Variants in JAK1 observed in about 807,000 individuals in gnomAD.
JAK1 encodes Janus kinase 1.
A neutral mutation model predicts 136.6 loss-of-function variants in JAK1; 16 were observed. That is an observed-to-expected ratio of 0.12 (90% CI 0.08 to 0.18). The LOEUF (loss-of-function observed/expected upper bound fraction) is 0.18, where lower values mean the gene tolerates loss of function less well. JAK1 is among the 10% of genes least tolerant of loss of function. The pLI is 1.00. For synonymous variants in JAK1, 492 were observed against 519.5 expected (o/e 0.95, Z 0.72); for missense variants, 859 against 1,450.1 (o/e 0.59, Z 6.62).
At chr1:64,866,500 C>T (rs1250487500) in intron 7 of JAK1, among the ~76,000 whole-genome samples, 8 of 152,172 alleles carry the variant, frequency 5.3e-5, no homozygotes, top group South Asian at 4.1e-4. Context: ...TGTATTCATC[C>T]GTAAAATGGA....
At chr1:64,882,840 A>G (rs534051496) in intron 3 of JAK1, among the ~76,000 whole-genome samples, 1 of 152,312 alleles carries the variant, frequency 6.6e-6, no homozygotes, top group African/African-American at 2.4e-5. Context: ...AGGAGGGGTC[A>G]AACTTTTTAG....
intron 1 of JAK1, among the ~76,000 whole-genome samples, chr1:64,954,172 T>C (rs957534551): frequency 6.6e-6 from 1 of 152,170 alleles, no homozygotes; most frequent in Non-Finnish European, 1.5e-5. Flanking sequence ...AAAGTCTCTT[T>C]GAAGAGTAGA....
chr1:64,846,173 C>T (rs1011710328), intron 14 of JAK1, among the ~76,000 whole-genome samples: 4 of 152,316 alleles, frequency 2.6e-5, no homozygotes, highest in African/African-American at 9.6e-5. Flanking sequence ...CCAAGGCCAC[C>T]CCTCCATCTC....
At chr1:64,881,548 A>T (rs1252964335) in intron 3 of JAK1, among the ~76,000 whole-genome samples, 1 of 152,206 alleles carries the variant, frequency 6.6e-6, no homozygotes, top group Non-Finnish European at 1.5e-5. Context: ...TTTCTGTAGT[A>T]ACAGTGAGAG....
At chr1:64,966,774 A>G (rs1309124589), upstream of JAK1, among the ~76,000 whole-genome samples, 1 of 151,584 alleles carries the variant, frequency 6.6e-6, no homozygotes, top group African/African-American at 2.4e-5. Context: ...AGATTCTAGA[A>G]TCTAGAAACT....
chr1:64,864,868 A>G lies in JAK1; in HGVS notation c.1095T>C (p.Asn365=), dbSNP rs565713817. The G allele has an allele frequency of 5.7e-5, 92 of 1,613,808 alleles. 1 individual carries two copies. The South Asian group carries it at 9.6e-4, about 17-fold the overall frequency. Residue 365 remains asparagine (N), a synonymous_variant, in exon 8 of 25, where the codon AAT becomes AAC. Transcript: ENST00000342505. ...EKNKIREEWN[N]FSYFPEITHI... Reference sequence around the variant, plus strand: ...GAGTGATTTCAGGGAAGTAAGAAAAATTGTTCCACTCTTCCCGGATCTTGT... The same window carrying G: ...GAGTGATTTCAGGGAAGTAAGAAAAGTTGTTCCACTCTTCCCGGATCTTGT...
Position 64,844,061 on chromosome 1 carries a change from C to G in JAK1, c.2403+3G>C, listed in dbSNP as rs375506294. 22 of 1,613,926 alleles carry G rather than the reference C, an allele frequency of 1.4e-5. No individual in the cohort carries two copies. Among genetic ancestry groups the G allele is most frequent in the Non-Finnish European group, 1.9e-5 (22 of 1,179,990 alleles). ...CCTCACGCCCCGGGAAACACCTGCT[C>G]ACCTCAATCAGCGTCTTGTCTTTCA... On this transcript the variant is annotated splice_donor_region_variant and intron_variant, in intron 17 of 24. Coordinates refer to ENST00000342505, the MANE Select transcript of JAK1 (RefSeq NM_002227.4). This position sits in a 1 kb window ranked among gnomAD's most constrained non-coding sequence, Gnocchi z 5.7.
At chr1:65,017,985 T>G (rs776561361) in intron 2 of JAK1, among the ~76,000 whole-genome samples, 12 of 152,100 alleles carry the variant, frequency 7.9e-5, no homozygotes, top group Non-Finnish European at 1.3e-4. Flanking sequence ...AATTTTTGTA[T>G]TTTTAGTAGA....
chr1:64,855,644 C>T lies in JAK1; in HGVS notation c.1513G>A (p.Gly505Ser), dbSNP rs1340618087. Residue 505 changes from glycine (G) to serine (S), a missense_variant, in exon 11 of 25, where the codon GGC becomes AGC. Physicochemically the swap from Gly to Ser is moderately conservative, Grantham distance 56. This residue lies in a region of JAK1 where 409 missense variants were observed against 753.8 expected (regional missense o/e 0.54). Coordinates refer to ENST00000342505, the MANE Select transcript of JAK1 (RefSeq NM_002227.4). ...FKNFQIEVQKGRYSLHGSDRS... is the reference protein window; with the variant it reads ...FKNFQIEVQKSRYSLHGSDRS... ...TCCGAACCGTGCAGACTGTAGCGGC[C>T]CTTCTGCACCTCGATCTGAAAGTTC... The T allele has an allele frequency of 6.2e-7, 1 of 1,614,048 alleles. No individual in the cohort carries two copies. Among genetic ancestry groups the T allele is most frequent in the Non-Finnish European group, 8.5e-7 (1 of 1,180,000 alleles).
chr1:64,903,665 A>G (rs1645146580), intron 1 of JAK1, among the ~76,000 whole-genome samples: 1 of 152,202 alleles, frequency 6.6e-6, no homozygotes, highest in Non-Finnish European at 1.5e-5. Flanking sequence ...TTATCTACTA[A>G]AATGGGAATA....
At chr1:64,840,458 A>T (rs923105217) in intron 19 of JAK1, among the ~76,000 whole-genome samples, 5 of 152,100 alleles carry the variant, frequency 3.3e-5, no homozygotes, top group Non-Finnish European at 5.9e-5. Flanking sequence ...GTCACAATTA[A>T]CTGTTTGGAA....
chr1:65,049,344 C>T (rs574926872), intron 1 of JAK1, among the ~76,000 whole-genome samples: 9 of 152,270 alleles, frequency 5.9e-5, no homozygotes, highest in African/African-American at 1.7e-4. Context: ...ATCCTTTGAG[C>T]CCAGAAGTTT....
intron 15 of JAK1, 151 bp from the exon 16 acceptor site, chr1:64,845,040 C>T (rs1316147262): frequency 9.7e-7 from 1 of 1,029,040 alleles, no homozygotes; most frequent in Non-Finnish European, 1.4e-6. Context: ...GACTTAGGCA[C>T]ATCACAGGTG....
intron 1 of JAK1, among the ~76,000 whole-genome samples, chr1:64,904,583 G>A (rs1342604631): frequency 2.0e-5 from 3 of 152,182 alleles, no homozygotes; most frequent in East Asian, 3.9e-4. Context: ...GGAAAAGTCC[G>A]GATCAGATGT....
chr1:65,004,773 C>T (rs574421819), intron 2 of JAK1, among the ~76,000 whole-genome samples: 113 of 152,280 alleles, frequency 7.4e-4, no homozygotes, highest in Non-Finnish European at 1.2e-3. Flanking sequence ...ACTTCTTATC[C>T]AGGAAGAAGC....
chr1:64,936,118 A>G lies in JAK1; in HGVS notation c.-78+30215T>C, dbSNP rs533880281. Among the ~76,000 whole-genome samples, 20 of 152,308 alleles carry G rather than the reference A, an allele frequency of 1.3e-4. No homozygotes were observed. In the East Asian group the frequency reaches 3.9e-3, roughly 29 times the overall value. On this transcript the variant is annotated intron_variant, in intron 1 of 24. Transcript: ENST00000342505. ...TGCAATTACTAAATAAAACTCCTTC[A>G]TTGACTGAGTTGCCTCCTCTCCTTC...
intron 3 of JAK1, among the ~76,000 whole-genome samples, chr1:64,882,816 G>A (rs1644794705): frequency 6.6e-6 from 1 of 152,204 alleles, no homozygotes; most frequent in Non-Finnish European, 1.5e-5. Flanking sequence ...TGGGAGGGCA[G>A]TCACGGCAGC....
rs369093297 is a variant in JAK1 at position 64,854,767 on chromosome 1, C to T, written c.1648+742G>A. Among the ~76,000 whole-genome samples the T allele has an allele frequency of 1.3e-5, 2 of 152,184 alleles. 1 individual carries two copies. The highest frequency in any genetic ancestry group is 6.8e-3 in the Middle Eastern group (2 of 294). Reference sequence around the variant, plus strand: ...CAGCTCCATGGCATAGCACTCAAGGCCCCCACACCCTAAGCTCAGCCTCAC... The same window carrying T: ...CAGCTCCATGGCATAGCACTCAAGGTCCCCACACCCTAAGCTCAGCCTCAC... On this transcript the variant is annotated intron_variant, in intron 11 of 24. Coordinates refer to ENST00000342505, the MANE Select transcript of JAK1 (RefSeq NM_002227.4).
rs185591126 is a variant in JAK1 at position 65,043,240 on chromosome 1, T to C, written c.-78+1240A>G. On this transcript the variant is annotated intron_variant, in intron 2 of 25. Coordinates refer to the JAK1 transcript ENST00000671954. Reference sequence around the variant, plus strand: ...TTAATAAGGGGAATATAATATAAAGTCCTAATTTTTATGCCTATTCTAAAG... The same window carrying C: ...TTAATAAGGGGAATATAATATAAAGCCCTAATTTTTATGCCTATTCTAAAG... 1.7e-3 allele frequency among the ~76,000 whole-genome samples: 262 copies of C among 152,272 alleles called. 1 individual carries two copies. The highest frequency in any genetic ancestry group is 3.0e-3 in the Non-Finnish European group (203 of 68,026).
Sources: allele counts gnomAD v4.1 joint callset (sites outside exome capture counted in the v4.1 genomes callset), GRCh38; gene constraint gnomAD v4.1.1; regional missense constraint gnomAD v4.1.1; non-coding constraint Gnocchi (gnomAD v3.1); transcripts MANE v1.5; gene names NCBI Gene and HGNC (gene_info 2026-07-23, HGNC 2026-07-21).